Variants in PSG11 observed in about 807,000 individuals in gnomAD.
PSG11 encodes the protein pregnancy-specific beta-1-glycoprotein 11.
A neutral mutation model predicts 36.0 loss-of-function variants in PSG11; 42 were observed. The observed-to-expected ratio is 1.17, with a 90% CI of 0.91 to 1.51. The LOEUF (loss-of-function observed/expected upper bound fraction) is 1.51, where lower values mean the gene tolerates loss of function less well. Ranked by LOEUF, PSG11 falls within the 40% of genes most tolerant of loss-of-function variation. The pLI, the probability that PSG11 is intolerant of heterozygous loss-of-function variation, is 0.00. For synonymous variants in PSG11, 206 were observed against 153.5 expected (o/e 1.34, Z -2.53); for missense variants, 558 against 403.5 (o/e 1.38, Z -3.28).
At chr19:43,020,931 T>A (rs1197382609) in intron 2 of PSG11, among the ~76,000 whole-genome samples, 3 of 151,422 alleles carry the variant, frequency 2.0e-5, no homozygotes, top group Non-Finnish European at 4.4e-5. Flanking sequence ...TTTAAGTTTG[T>A]GTGAATTAGA....
intron 4 of PSG11, chr19:43,014,799 C>T: frequency 8.1e-7 from 1 of 1,231,658 alleles, no homozygotes; most frequent in Non-Finnish European, 1.1e-6. Context: ...GAGTTGGTGA[C>T]AGTGAGAAGC....
At chr19:43,011,786 G>C (rs1974082795) in intron 4 of PSG11, among the ~76,000 whole-genome samples, 1 of 150,692 alleles carries the variant, frequency 6.6e-6, no homozygotes, top group Non-Finnish European at 1.5e-5. Flanking sequence ...AGCATCTTGG[G>C]AGGCTGAAGA....
Position 43,018,864 on chromosome 19 carries a change from A to T in PSG11, c.615T>A (p.Phe205Leu), listed in dbSNP as rs763879479. 1 of 1,611,930 alleles carries T rather than the reference A, an allele frequency of 6.2e-7. No individual in the cohort carries two copies. Among genetic ancestry groups the T allele is most frequent in the African/African-American group, 1.3e-5 (1 of 74,392 alleles). ...LSETNRTLFL[F>L]GVTKYTAGPY... ...GTCCTGCAGTATACTTTGTGACACC[A>T]AATAGAAAGAGGGTCCTGTTGGTTT... Residue 205 changes from phenylalanine (F) to leucine (L), a missense_variant, in exon 3 of 6, where the codon TTT becomes TTA. Physicochemically the swap from Phe to Leu is conservative, Grantham distance 22. Transcript: ENST00000320078.
chr19:43,018,982 A>T lies in PSG11; in HGVS notation c.497T>A (p.Ile166Asn). ...CGGAGTCTCAGGATTACAGGTTAAG[A>T]TCACAGTCTCCATGGCCTCCCTGGG... ...LNPREAMETV[I>N]LTCNPETPDA... Residue 166 changes from isoleucine (I) to asparagine (N), a missense_variant, in exon 3 of 6, where the codon ATC becomes AAC. Physicochemically the swap from Ile to Asn is moderately radical, Grantham distance 149. Coordinates refer to ENST00000320078, the MANE Select transcript of PSG11 (RefSeq NM_002785.3). The T allele has an allele frequency of 6.2e-7, 1 of 1,612,090 alleles. No homozygotes were observed. The highest frequency in any genetic ancestry group is 8.5e-7 in the Non-Finnish European group (1 of 1,179,150).
Position 43,022,955 on chromosome 19 carries a change from G to T in PSG11, c.430+1736C>A, listed in dbSNP as rs1967138849. Among the ~76,000 whole-genome samples, 2 of 150,754 alleles carry T rather than the reference G, an allele frequency of 1.3e-5. 1 individual carries two copies. Among genetic ancestry groups the T allele is most frequent in the Non-Finnish European group, 3.0e-5 (2 of 67,724 alleles). Reference sequence around the variant, plus strand: ...TGGGGGAAGAAGCTGTGCAGGACAGGGCTTGCCAGTCAGAATGAAGTGGGA... The same window carrying T: ...TGGGGGAAGAAGCTGTGCAGGACAGTGCTTGCCAGTCAGAATGAAGTGGGA... On this transcript the variant is annotated intron_variant, in intron 2 of 5. Transcript: ENST00000320078.
chr19:43,015,985 A>T, intron 3 of PSG11: 2 of 1,610,104 alleles, frequency 1.2e-6, no homozygotes, highest in Non-Finnish European at 1.7e-6. Context: ...GAAGGTTAAG[A>T]CATCCTTATT....
chr19:43,013,459 G>T (rs1966884469), intron 4 of PSG11, among the ~76,000 whole-genome samples: 2 of 151,258 alleles, frequency 1.3e-5, no homozygotes, highest in Non-Finnish European at 2.9e-5. Context: ...GATTAAAATG[G>T]AGTTTTATCC....
chr19:43,014,965 G>A (rs1252691155), intron 4 of PSG11, 151 bp downstream of exon 4: 1 of 1,539,058 alleles, frequency 6.5e-7, no homozygotes, highest in African/African-American at 1.4e-5. Flanking sequence ...AGTCTGTAGA[G>A]ACAAATTGGG....
In PSG11 at chr19:43,011,567, G is replaced by C. The variant is rs543571898; in HGVS notation, c.965-1526C>G. 8.6e-5 allele frequency among the ~76,000 whole-genome samples: 13 copies of C among 151,316 alleles called. 1 individual carries two copies. Among genetic ancestry groups the C allele is most frequent in the African/African-American group, 3.2e-4 (13 of 41,080 alleles). On this transcript the variant is annotated intron_variant, in intron 4 of 5. Coordinates refer to ENST00000320078, the MANE Select transcript of PSG11 (RefSeq NM_002785.3). ...AACTAGATTGACTAAGAAAAAAAGA[G>C]AAAAGTTTAAAATTACTCAAATCAG...
At chr19:43,025,542 C>T (rs1177176369) in intron 1 of PSG11, among the ~76,000 whole-genome samples, 3 of 151,040 alleles carry the variant, frequency 2.0e-5, no homozygotes, top group East Asian at 1.9e-4. Context: ...CCCATGGCAG[C>T]ATGAGCTCCG....
intron 2 of PSG11, among the ~76,000 whole-genome samples, chr19:43,023,872 A>T (rs559347219): frequency 4.0e-5 from 6 of 151,394 alleles, no homozygotes; most frequent in Non-Finnish European, 7.4e-5. Flanking sequence ...ACCTGACCTA[A>T]TGCTTGGCAC....
At position 43,012,712 on chromosome 19, in the gene PSG11, C is replaced by A. The variant is rs191731621; in HGVS notation, c.964+2404G>T. On this transcript the variant is annotated intron_variant, in intron 4 of 5. Coordinates refer to ENST00000320078, the MANE Select transcript of PSG11 (RefSeq NM_002785.3). Reference sequence around the variant, plus strand: ...AATATTGTTAGGAGGACAGTGCTACCCAAAGTGAGCTGTGGATTCAATGCA... The same window carrying A: ...AATATTGTTAGGAGGACAGTGCTACACAAAGTGAGCTGTGGATTCAATGCA... Among the ~76,000 whole-genome samples the A allele has an allele frequency of 3.7e-4, 56 of 151,402 alleles. 2 individuals carry two copies. The highest frequency in any genetic ancestry group is 6.3e-4 in the Non-Finnish European group (43 of 67,860).
At chr19:43,025,136 G>T (rs1252368804) in intron 1 of PSG11, 80 bp from the exon 2 acceptor site, 4 of 1,520,506 alleles carry the variant, frequency 2.6e-6, no homozygotes, top group East Asian at 2.3e-5. Flanking sequence ...TCCTGAGAAG[G>T]TCTCTTCAAT....
At chr19:43,009,466 C>T (rs780038115) in intron 5 of PSG11, among the ~76,000 whole-genome samples, 4 of 151,160 alleles carry the variant, frequency 2.6e-5, no homozygotes, top group Non-Finnish European at 4.4e-5. Context: ...AGTGAGAAGG[C>T]TTAGTAAATA....
intron 2 of PSG11, 56 bp from the exon 3 acceptor site, chr19:43,019,104 G>A: frequency 1.3e-6 from 2 of 1,580,550 alleles, no homozygotes; most frequent in South Asian, 1.2e-5. Context: ...TTCCTCCAAA[G>A]GCATTTTTCA....
intron 1 of PSG11, among the ~76,000 whole-genome samples, chr19:43,026,068 A>G (rs976433393): frequency 6.1e-5 from 9 of 148,002 alleles, no homozygotes; most frequent in Non-Finnish European, 1.2e-4. Context: ...TGGCCTCCTG[A>G]GTAGCTAGGA....
At position 43,012,138 on chromosome 19, in the gene PSG11, G is replaced by C. The variant is rs1168899169; in HGVS notation, c.965-2097C>G. On this transcript the variant is annotated intron_variant, in intron 4 of 5. Transcript: ENST00000320078. ...TCATAAGAAAAACATTCTAAGAATG[G>C]AAGGAAACCACCTCAACATAAAGGC... is the stretch of plus-strand genomic sequence containing the variant. Among the ~76,000 whole-genome samples, 6 of 151,128 alleles carry C rather than the reference G, an allele frequency of 4.0e-5. 1 individual carries two copies. The Admixed American group carries it at 4.0e-4, about 10-fold the overall frequency.
In PSG11 at chr19:43,009,216, C is replaced by T. The variant is rs554869029; in HGVS notation, c.*40+742G>A. The stretch of plus-strand genomic sequence containing the variant: ...GATCTCAACCACACATAGGTTGTGT[C>T]CTGAGTCTCAGGTTCACATGTTAAT... On this transcript the variant is annotated intron_variant, in intron 5 of 5. Coordinates refer to ENST00000320078, the MANE Select transcript of PSG11 (RefSeq NM_002785.3). Among the ~76,000 whole-genome samples the T allele has an allele frequency of 3.6e-4, 55 of 150,810 alleles. 1 individual carries two copies. The highest frequency in any genetic ancestry group is 1.6e-3 in the Admixed American group (25 of 15,162).
In PSG11 at chr19:43,015,169, C is replaced by G; in HGVS notation, c.911G>C (p.Arg304Pro). 6.2e-7 allele frequency: 1 copy of G among 1,611,798 alleles called. No homozygotes were observed. The highest frequency in any genetic ancestry group is 8.5e-7 in the Non-Finnish European group (1 of 1,178,784). ...GCTTTCCTCGCCAGTGGCTGAGTTACGAGCAGAGCAAGCATAGAGCCCATT... is the reference window on the plus strand; with the variant it reads ...GCTTTCCTCGCCAGTGGCTGAGTTAGGAGCAGAGCAAGCATAGAGCCCATT... The part of the protein sequence containing the change: ...KHNGLYACSA[R>P]NSATGEESST... Residue 304 changes from arginine to proline, a missense_variant, in exon 4 of 6, where the codon CGT (arginine) becomes CCT (proline). Coordinates refer to ENST00000320078, the MANE Select transcript of PSG11 (RefSeq NM_002785.3).
Sources: gnomAD v4.1 joint callset for allele counts (sites outside exome capture counted in the v4.1 genomes callset) on GRCh38, gnomAD v4.1.1 for gene constraint, MANE v1.5 for transcripts, NCBI Gene and HGNC (gene_info 2026-07-23, HGNC 2026-07-21) for gene names.